Variants in FGGY observed in about 807,000 individuals in gnomAD.
FGGY encodes the protein FGGY carbohydrate kinase domain-containing protein.
Under a neutral mutation model 71.3 loss-of-function variants are expected in FGGY, and 72 were observed. The observed-to-expected ratio is 1.01, with a 90% CI of 0.84 to 1.23. FGGY has a LOEUF of 1.23. FGGY is among the 50% of genes most tolerant of loss of function. The pLI is 0.00. For missense variants in FGGY, 668 were observed against 682.3 expected, an observed-to-expected ratio of 0.98 and a Z score of 0.23; for synonymous variants, 251 against 250.3, an observed-to-expected ratio of 1.00 and a Z score of -0.02.
rs780290241 is a variant in FGGY, at chr1:59,346,313, A to G, written c.380A>G (p.Asn127Ser). 6.8e-6 allele frequency: 11 copies of G among 1,612,424 alleles called. No individual in the cohort carries two copies. Among genetic ancestry groups the G allele is most frequent in the South Asian group, 3.3e-5 (3 of 91,022 alleles). The change falls in exon 4 of 16, where the codon AAT becomes AGT. Residue 127 changes from asparagine to serine, a missense_variant. Around this residue, in one of 2 missense-constraint regions of FGGY, gnomAD observed 661 missense variants for 661.6 expected, o/e 1.00. Coordinates refer to ENST00000303721, the MANE Select transcript of FGGY (RefSeq NM_018291.5). ...HRAVSQVNRI[N>S]ETKHSVLQYV... ...GCAGTCAGTCAAGTTAACAGGATCA[A>G]TGAGACCAAGCACAGTGTCCTCCAG...
rs1363428693 is a variant in FGGY, at chr1:59,554,239, G to A, written c.903+12G>A. The stretch of plus-strand genomic sequence containing the variant: ...CTTGTCACATGGGGGTGAGTCCACT[G>A]AGCACAAAGGCAAGGCCACCACACA... On this transcript the variant is annotated intron_variant, in intron 8 of 15. Coordinates refer to ENST00000303721, the MANE Select transcript of FGGY (RefSeq NM_018291.5). 6.2e-7 allele frequency: 1 copy of A among 1,605,978 alleles called. No homozygotes were observed. Among genetic ancestry groups the A allele is most frequent in the South Asian group, 1.1e-5 (1 of 90,722 alleles).
chr1:59,573,954 G>T (rs555393720), intron 8 of FGGY, among the ~76,000 whole-genome samples: 3 of 152,244 alleles, frequency 2.0e-5, no homozygotes, highest in African/African-American at 7.2e-5. Flanking sequence ...TGCTGTAATT[G>T]TCTTGCATTA....
At chr1:59,662,921 T>C in intron 12 of FGGY, among the ~76,000 whole-genome samples, 1 of 152,342 alleles carries the variant, frequency 6.6e-6, no homozygotes, top group Non-Finnish European at 1.5e-5. Context: ...GATTTGTTAA[T>C]GTTATTGTAT....
At chr1:59,388,589 C>T (rs2060347810) in intron 5 of FGGY, among the ~76,000 whole-genome samples, 1 of 152,076 alleles carries the variant, frequency 6.6e-6, no homozygotes, top group Admixed American at 6.5e-5. Flanking sequence ...TTCCTTGGTA[C>T]TTGGCCTCTT....
chr1:59,302,968 A>G (rs1316591585), intron 1 of FGGY, among the ~76,000 whole-genome samples: 1 of 152,154 alleles, frequency 6.6e-6, no homozygotes, highest in Non-Finnish European at 1.5e-5. Flanking sequence ...AGGATTGTTC[A>G]GGTTATCTAT....
intron 4 of FGGY, among the ~76,000 whole-genome samples, chr1:59,346,947 C>CT (rs71580898): frequency 0.21 from 23,348 of 112,092 alleles, 2,945 homozygotes; most frequent in African/African-American, 0.39. Flanking sequence ...AAAATCAATT[C>CT]TTTTTTTTTT....
chr1:59,441,457 G>A (rs894354450), intron 5 of FGGY, among the ~76,000 whole-genome samples: 1 of 152,164 alleles, frequency 6.6e-6, no homozygotes, highest in African/African-American at 2.4e-5. Flanking sequence ...TATCAAATTA[G>A]CTGACAACCC....
intron 7 of FGGY, among the ~76,000 whole-genome samples, chr1:59,543,597 G>T (rs750445001): frequency 1.3e-5 from 2 of 152,226 alleles, no homozygotes; most frequent in Non-Finnish European, 2.9e-5. Flanking sequence ...GGAAGTTTCT[G>T]TTGCAACCGA....
chr1:59,400,977 A>G (rs1347551928), intron 5 of FGGY, among the ~76,000 whole-genome samples: 1 of 152,124 alleles, frequency 6.6e-6, no homozygotes, highest in Non-Finnish European at 1.5e-5. Flanking sequence ...TGTTATGAGT[A>G]TGAGAACTAA....
intron 7 of FGGY, among the ~76,000 whole-genome samples, chr1:59,529,786 G>A (rs2095091073): frequency 2.0e-5 from 3 of 152,142 alleles, no homozygotes; most frequent in African/African-American, 7.2e-5. Flanking sequence ...CAATAGTTGG[G>A]GGAAAAGGCA....
chr1:59,457,793 G>A (rs2091859751), intron 6 of FGGY, among the ~76,000 whole-genome samples: 2 of 152,124 alleles, frequency 1.3e-5, no homozygotes, highest in South Asian at 4.1e-4. Flanking sequence ...AAAGCTAAAA[G>A]ATCAATATTA....
chr1:59,299,965 T>C (rs2042511080), intron 1 of FGGY, among the ~76,000 whole-genome samples: 2 of 152,196 alleles, frequency 1.3e-5, no homozygotes, highest in African/African-American at 4.8e-5. Flanking sequence ...GGACGTTAAA[T>C]TTAAAAGTAG....
At chr1:59,636,333 T>G (rs2096958856) in intron 10 of FGGY, among the ~76,000 whole-genome samples, 1 of 152,042 alleles carries the variant, frequency 6.6e-6, no homozygotes, top group Non-Finnish European at 1.5e-5. Context: ...AATAAAGGAG[T>G]TCTACTGGAC....
intron 14 of FGGY, among the ~76,000 whole-genome samples, chr1:59,702,922 A>G (rs1049646585): frequency 6.6e-6 from 1 of 152,080 alleles, no homozygotes; most frequent in African/African-American, 2.4e-5. Flanking sequence ...AATCTGCCAT[A>G]CACTTGGGAG....
At chr1:59,439,667 T>G (rs1197385686) in intron 5 of FGGY, among the ~76,000 whole-genome samples, 2 of 152,226 alleles carry the variant, frequency 1.3e-5, no homozygotes, top group Non-Finnish European at 2.9e-5. Flanking sequence ...TTATGCTTAT[T>G]GCTTTCATAA....
intron 14 of FGGY, among the ~76,000 whole-genome samples, chr1:59,727,101 G>T (rs1282347946): frequency 1.3e-5 from 2 of 152,040 alleles, no homozygotes; most frequent in African/African-American, 4.8e-5. Flanking sequence ...GTCCATGTCT[G>T]CTCAGTGTTT....
At chr1:59,667,209 A>C in intron 12 of FGGY, 74 bp from the exon 13 acceptor site, 8 of 1,577,144 alleles carry the variant, frequency 5.1e-6, no homozygotes, top group Non-Finnish European at 6.9e-6. Flanking sequence ...AGCACTGAGT[A>C]GACATTTAAG....
chr1:59,393,464 G>A (rs2060940936), intron 5 of FGGY, among the ~76,000 whole-genome samples: 1 of 152,190 alleles, frequency 6.6e-6, no homozygotes, highest in Admixed American at 6.5e-5. Flanking sequence ...CGATAAGCAA[G>A]CCTCACTACA....
intron 8 of FGGY, among the ~76,000 whole-genome samples, chr1:59,585,982 T>C (rs1324649474): frequency 6.6e-6 from 1 of 152,156 alleles, no homozygotes; most frequent in Admixed American, 6.5e-5. Flanking sequence ...TCACACCAGT[T>C]AGAATGCCAA....
Sources: allele counts gnomAD v4.1 joint callset (sites outside exome capture counted in the v4.1 genomes callset), GRCh38; gene constraint gnomAD v4.1.1; regional missense constraint gnomAD v4.1.1; transcripts MANE v1.5; gene names NCBI Gene and HGNC (gene_info 2026-07-23, HGNC 2026-07-21).